Variants in TET1 observed in about 807,000 individuals in gnomAD.
TET1 encodes tet methylcytosine dioxygenase 1.
In TET1, 13 loss-of-function variants were observed where a neutral mutation model predicts 148.7. The observed-to-expected ratio is 0.09, with a 90% CI of 0.06 to 0.14. The LOEUF is 0.14. Among genes scored for constraint, TET1 ranks in the 10% least tolerant of loss-of-function variants. TET1 has a pLI of 1.00. For synonymous variants in TET1, 907 were observed against 937.2 expected, an observed-to-expected ratio of 0.97 and a Z score of 0.59; for missense variants, 2,182 against 2,553.8, an observed-to-expected ratio of 0.85 and a Z score of 3.14.
chr10:68,583,843 G>A (rs916677014), intron 2 of TET1, among the ~76,000 whole-genome samples: 2 of 151,748 alleles, frequency 1.3e-5, no homozygotes, highest in African/African-American at 2.4e-5. Flanking sequence ...CCTGGGAGGC[G>A]GAGGTTGCAG....
chr10:68,606,611 A>C (rs76878660), intron 3 of TET1, among the ~76,000 whole-genome samples: 1 of 151,988 alleles, frequency 6.6e-6, no homozygotes, highest in East Asian at 1.9e-4. Context: ...AAAAACAAAA[A>C]AAAAAACACA....
At chr10:68,652,078 G>T in intron 5 of TET1, 142 bp downstream of exon 5, 1 of 767,778 alleles carries the variant, frequency 1.3e-6, no homozygotes. Flanking sequence ...CAACAAAAGA[G>T]GGGTGTCCTC....
At chr10:68,582,425 G>T (rs982015772) in intron 2 of TET1, among the ~76,000 whole-genome samples, 7 of 152,114 alleles carry the variant, frequency 4.6e-5, no homozygotes, top group Non-Finnish European at 8.8e-5. Context: ...CAGCTAATGT[G>T]CCATGTTCAT....
intron 10 of TET1, among the ~76,000 whole-genome samples, chr10:68,685,850 TAAA>T (rs569967860): frequency 6.6e-6 from 1 of 151,888 alleles, no homozygotes; most frequent in Non-Finnish European, 1.5e-5. Context: ...AATATAAAAT[TAAA>T]AAAAAATTTT....
At chr10:68,629,701 C>A (rs2133019596) in intron 3 of TET1, among the ~76,000 whole-genome samples, 1 of 151,954 alleles carries the variant, frequency 6.6e-6, no homozygotes, top group South Asian at 2.1e-4. Flanking sequence ...CCACACCCGG[C>A]CAATTTTTTG....
At chr10:68,571,875 T>G (rs2053674210) in intron 1 of TET1, among the ~76,000 whole-genome samples, 2 of 152,168 alleles carry the variant, frequency 1.3e-5, no homozygotes, top group Admixed American at 6.6e-5. Flanking sequence ...ATCCCAGCAC[T>G]AGGGGAGGCC....
At chr10:68,614,261 G>T (rs1045019357) in intron 3 of TET1, among the ~76,000 whole-genome samples, 4 of 152,134 alleles carry the variant, frequency 2.6e-5, no homozygotes, top group Non-Finnish European at 5.9e-5. Flanking sequence ...TATCACAAAT[G>T]ATACAATTAT....
chr10:68,620,051 A>G (rs2054347921), intron 3 of TET1, among the ~76,000 whole-genome samples: 2 of 152,122 alleles, frequency 1.3e-5, no homozygotes, highest in Non-Finnish European at 2.9e-5. Flanking sequence ...AAAATTAGCC[A>G]GGCGTGGTGG....
chr10:68,691,140 C>T lies in TET1; in HGVS notation c.5737C>T (p.Leu1913=), dbSNP rs748453054. The change falls in exon 12 of 12, where the codon CTG becomes TTG. Residue 1913 remains leucine, a synonymous_variant. Transcript: ENST00000373644. This position sits in a 1 kb window ranked among gnomAD's most constrained non-coding sequence, Gnocchi z 4.4. Reference sequence around the variant, plus strand: ...TGGCGAAGTGGCTCCTCTCCCCACCCTGTCTGCTCCTGTGATGGAGCCCCT... The same window carrying T: ...TGGCGAAGTGGCTCCTCTCCCCACCTTGTCTGCTCCTGTGATGGAGCCCCT... ...QLGEVAPLPT[L]SAPVMEPLIN... 1 of 1,614,218 alleles carries T rather than the reference C, an allele frequency of 6.2e-7. No individual in the cohort carries two copies. Among genetic ancestry groups the T allele is most frequent in the South Asian group, 1.1e-5 (1 of 91,088 alleles).
chr10:68,646,047 C>G lies in TET1; in HGVS notation c.3318C>G (p.Ser1106Arg). 1 of 1,614,050 alleles carries G rather than the reference C, an allele frequency of 6.2e-7. No individual in the cohort carries two copies. Among genetic ancestry groups the G allele is most frequent in the Non-Finnish European group, 8.5e-7 (1 of 1,180,016 alleles). ...AAAAAGTTGAAAGTACACCAACAAG[C>G]CTTGTCACATGTAATGTACAGCAAA... ...EDKKVESTPT[S>R]LVTCNVQQKY... is the part of the protein sequence containing the mutation. Residue 1106 changes from serine (S) to arginine (R), a missense_variant, in exon 4 of 12, where the codon AGC becomes AGG. Physicochemically the swap from Ser to Arg is moderately radical, Grantham distance 110 (BLOSUM62 -1). Transcript: ENST00000373644.
At chr10:68,682,415 A>C (rs1224639329) in intron 9 of TET1, among the ~76,000 whole-genome samples, 2 of 151,882 alleles carry the variant, frequency 1.3e-5, no homozygotes, top group Non-Finnish European at 2.9e-5. Context: ...CCCAGCATCC[A>C]CCTTTTCATT....
At chr10:68,600,297 G>A (rs777349861) in intron 2 of TET1, among the ~76,000 whole-genome samples, 1 of 152,150 alleles carries the variant, frequency 6.6e-6, no homozygotes, top group South Asian at 2.1e-4. Flanking sequence ...ACCGCCAAGA[G>A]GTTACTAATC....
At chr10:68,685,759 G>T (rs2055500010) in intron 10 of TET1, among the ~76,000 whole-genome samples, 1 of 152,070 alleles carries the variant, frequency 6.6e-6, no homozygotes, top group Non-Finnish European at 1.5e-5. Context: ...CATATCCAAA[G>T]AAAGGCAAAT....
chr10:68,622,219 TTCCC>T (rs1158122033), intron 3 of TET1, among the ~76,000 whole-genome samples: 4,213 of 78,182 alleles, frequency 0.054, 123 homozygotes, highest in African/African-American at 0.11. Context: ...CCTTCCTTCC[TTCCC>T]TCCTTCCTCC....
chr10:68,643,374 A>G (rs1308367615), intron 3 of TET1, among the ~76,000 whole-genome samples: 3 of 152,232 alleles, frequency 2.0e-5, no homozygotes, highest in Admixed American at 6.5e-5. Flanking sequence ...AAAAAATAAC[A>G]TTGTTATGTA....
intron 3 of TET1, among the ~76,000 whole-genome samples, chr10:68,636,981 TTGTG>T (rs1554940595): frequency 1.5e-4 from 15 of 102,488 alleles, no homozygotes; most frequent in South Asian, 1.4e-3. Flanking sequence ...ATTTTACTCG[TTGTG>T]TGTGTGTGTG....
rs138396030 is a variant in TET1, at chr10:68,670,151, T to C, written c.4674-2744T>C. Reference sequence around the variant, plus strand: ...AGGATTGTTCTCTTGTATATCCCCATATAATGATCAAATTCAGGAAATTTA... The same window carrying C: ...AGGATTGTTCTCTTGTATATCCCCACATAATGATCAAATTCAGGAAATTTA... On this transcript the variant is annotated intron_variant, in intron 7 of 11. Transcript: ENST00000373644. Among the ~76,000 whole-genome samples, 339 of 152,302 alleles carry C rather than the reference T, an allele frequency of 2.2e-3. 3 individuals are homozygous for C. Among genetic ancestry groups the C allele is most frequent in the Non-Finnish European group, 8.2e-4 (56 of 68,010 alleles).
chr10:68,670,668 A>G (rs1224624278), intron 7 of TET1, among the ~76,000 whole-genome samples: 1 of 152,190 alleles, frequency 6.6e-6, no homozygotes, highest in Non-Finnish European at 1.5e-5. Context: ...TTTCAATGAT[A>G]TGAATAAATT....
chr10:68,624,644 CTTTCTTTCTT>C lies in TET1; in HGVS notation c.1969-20052_1969-20043del, dbSNP rs1564974892. On this transcript the variant is annotated intron_variant, in intron 3 of 11. Coordinates refer to ENST00000373644, the MANE Select transcript of TET1 (RefSeq NM_030625.3). ...TCTTTCTTTCTTTCTTTCTTTCTTT[CTTTCTTTCTT>C]TCTTTCTCTCTCTCTCTCTCTCTCT... is the stretch of plus-strand genomic sequence containing the variant. Among the ~76,000 whole-genome samples, 10 of 51,470 alleles carry C rather than the reference CTTTCTTTCTT, an allele frequency of 1.9e-4. No individual in the cohort carries two copies. The South Asian group carries it at 4.1e-3, about 21-fold the overall frequency. 33.8% of individuals were successfully genotyped at this position (51,470 alleles called of 152,430 possible). A position where few individuals can be genotyped will look rare whatever the true frequency, so the allele number is the denominator to read the frequency against.
Sources: gnomAD v4.1 joint callset for allele counts (sites outside exome capture counted in the v4.1 genomes callset) on GRCh38, gnomAD v4.1.1 for gene constraint, Gnocchi (gnomAD v3.1) non-coding constraint, MANE v1.5 for transcripts, NCBI Gene and HGNC (gene_info 2026-07-23, HGNC 2026-07-21) for gene names.